GPT2: variants seen among roughly 807,000 people sequenced by gnomAD.
The protein encoded by GPT2 is alanine aminotransferase 2.
Under a neutral mutation model 56.9 loss-of-function variants are expected in GPT2, and 30 were observed. The ratio of observed to expected loss-of-function variants is 0.53; its 90% confidence interval spans 0.39 to 0.72. The LOEUF is 0.72. Ranked by LOEUF, GPT2 falls within the 30% of genes least tolerant of loss-of-function variation. The pLI, the probability that GPT2 is intolerant of heterozygous loss-of-function variation, is 0.00. For missense variants in GPT2, 542 were observed against 703.4 expected, an observed-to-expected ratio of 0.77 and a Z score of 2.60; for synonymous variants, 271 against 283.1, an observed-to-expected ratio of 0.96 and a Z score of 0.43.
chr16:46,911,258 C>T (rs1159345426), intron 6 of GPT2, among the ~76,000 whole-genome samples: 1 of 152,186 alleles, frequency 6.6e-6, no homozygotes, highest in Non-Finnish European at 1.5e-5. Flanking sequence ...GGGCCGCTGC[C>T]TTCATATGCC....
At chr16:46,905,044 G>C (rs945395848) in intron 4 of GPT2, among the ~76,000 whole-genome samples, 6 of 151,476 alleles carry the variant, frequency 4.0e-5, no homozygotes, top group African/African-American at 1.5e-4. Flanking sequence ...AGAGCTAGGG[G>C]ATTCCAGTTC....
chr16:46,924,263 C>A, intron 9 of GPT2, 126 bp from the exon 10 acceptor site: 1 of 1,007,246 alleles, frequency 9.9e-7, no homozygotes, highest in Non-Finnish European at 1.5e-6. Flanking sequence ...TCAGAGGGGA[C>A]ATGTGTTCAA....
intron 10 of GPT2, among the ~76,000 whole-genome samples, chr16:46,925,833 T>A (rs1048770497): frequency 4.7e-4 from 70 of 149,924 alleles, no homozygotes; most frequent in African/African-American, 1.3e-3. Flanking sequence ...TAAATAAATT[T>A]AAAAAAAAAG....
At chr16:46,897,590 C>T in intron 2 of GPT2, 58 bp from the exon 3 acceptor site, 1 of 1,540,244 alleles carries the variant, frequency 6.5e-7, no homozygotes, top group South Asian at 1.1e-5. Flanking sequence ...TGCCTGGCCT[C>T]TGGAATCCAG....
chr16:46,915,081 A>G (rs374240878), intron 6 of GPT2, among the ~76,000 whole-genome samples: 2 of 151,992 alleles, frequency 1.3e-5, no homozygotes, highest in East Asian at 3.9e-4. Context: ...CCACACCTGG[A>G]TAATTTTTAT....
At position 46,909,636 on chromosome 16, in the gene GPT2, G is replaced by T. The variant is rs756359795; in HGVS notation, c.577-48G>T. ...GGGCCACGGGTGAAAGGCTAGGTCAGGGATGGGAAGTAGTGCTGGCTTTCT... is the reference window on the plus strand; with the variant it reads ...GGGCCACGGGTGAAAGGCTAGGTCATGGATGGGAAGTAGTGCTGGCTTTCT... On this transcript the variant is annotated intron_variant, in intron 5 of 11. Coordinates refer to ENST00000340124, the MANE Select transcript of GPT2 (RefSeq NM_133443.4). The T allele has an allele frequency of 6.8e-5, 109 of 1,592,908 alleles. 1 individual carries two copies. The highest frequency in any genetic ancestry group is 9.1e-5 in the Non-Finnish European group (106 of 1,165,636).
chr16:46,885,487 C>G (rs1275014169), intron 2 of GPT2: 2 of 985,240 alleles, frequency 2.0e-6, no homozygotes, highest in Non-Finnish European at 2.4e-6. Context: ...AATCCTGATT[C>G]CCGGAAGAGA....
At chr16:46,885,675 G>A (rs1393524742) in intron 2 of GPT2, 3 of 311,640 alleles carry the variant, frequency 9.6e-6, no homozygotes, top group East Asian at 3.4e-4. Flanking sequence ...ATCTTGGCTT[G>A]AGTTTATAGC....
rs933021460 is a variant in GPT2, at chr16:46,916,570, T to C, written c.821-58T>C. On this transcript the variant is annotated intron_variant, in intron 6 of 11. Transcript: ENST00000340124. The stretch of plus-strand genomic sequence containing the variant: ...AGTGATTCTGGATGGGCTTCTGACC[T>C]GGGGACAATTTAAACAGCATTACAA... 5 of 1,322,192 alleles carry C rather than the reference T, an allele frequency of 3.8e-6. No individual in the cohort carries two copies. The Admixed American group carries it at 8.4e-5, about 22-fold the overall frequency. The allele number at this position is 1,322,192 out of a possible 1,614,324, so 81.9% of individuals were successfully genotyped here. A position where few individuals can be genotyped will look rare whatever the true frequency, so the allele number is the denominator to read the frequency against.
chr16:46,885,037 C>T, intron 2 of GPT2, 79 bp downstream of exon 2: 1 of 1,383,704 alleles, frequency 7.2e-7, no homozygotes, highest in Non-Finnish European at 9.4e-7. Flanking sequence ...TGGGGTCCTT[C>T]CCACGACGTC....
At chr16:46,926,786 C>T (rs1961423998) in intron 10 of GPT2, 139 bp from the exon 11 acceptor site, 1 of 508,506 alleles carries the variant, frequency 2.0e-6, no homozygotes, top group Admixed American at 3.9e-5. Context: ...AGCGTCTGGC[C>T]CTGGTCCTCT....
At chr16:46,896,498 A>G (rs542838495) in intron 2 of GPT2, among the ~76,000 whole-genome samples, 2 of 151,992 alleles carry the variant, frequency 1.3e-5, no homozygotes, top group South Asian at 4.2e-4. Flanking sequence ...TTCATTCTGC[A>G]AAGAATGGGT....
chr16:46,895,548 G>T (rs1960670195), intron 2 of GPT2, among the ~76,000 whole-genome samples: 1 of 152,002 alleles, frequency 6.6e-6, no homozygotes, highest in African/African-American at 2.4e-5. Flanking sequence ...CAAAAAAAAG[G>T]GTCTCACTCT....
chr16:46,912,621 C>G, intron 6 of GPT2, among the ~76,000 whole-genome samples: 1 of 152,196 alleles, frequency 6.6e-6, no homozygotes, highest in East Asian at 1.9e-4. Context: ...GTTCACAGTT[C>G]TGCAGACTGT....
At chr16:46,906,698 C>T in intron 4 of GPT2, 144 bp from the exon 5 acceptor site, 1 of 1,059,564 alleles carries the variant, frequency 9.4e-7, no homozygotes, top group Non-Finnish European at 1.4e-6. Context: ...CAGTTTCCCA[C>T]AGTTCCAAAG....
In GPT2 at chr16:46,924,378, T is replaced by C. The variant is rs1961358351; in HGVS notation, c.1213-11T>C. 1 of 1,614,090 alleles carries C rather than the reference T, an allele frequency of 6.2e-7. No individual in the cohort carries two copies. The highest frequency in any genetic ancestry group is 2.2e-5 in the East Asian group (1 of 44,882). ...GATACTGACTGCTGTGCTGTTTCCA[T>C]CTCTCATCAGGAGAAGGAGTCGGTC... On this transcript the variant is annotated splice_polypyrimidine_tract_variant and intron_variant, in intron 9 of 11. Coordinates refer to ENST00000340124, the MANE Select transcript of GPT2 (RefSeq NM_133443.4).
intron 4 of GPT2, among the ~76,000 whole-genome samples, chr16:46,905,219 G>A (rs974489906): frequency 3.4e-4 from 51 of 152,090 alleles, no homozygotes; most frequent in Non-Finnish European, 6.2e-4. Flanking sequence ...ACCATACCTG[G>A]CTGATTTTTT....
intron 2 of GPT2, among the ~76,000 whole-genome samples, chr16:46,888,649 A>G (rs536787146): frequency 3.7e-4 from 55 of 150,562 alleles, no homozygotes; most frequent in Non-Finnish European, 7.8e-4. Flanking sequence ...ACCCGGCCAG[A>G]TGCTACTTTA....
intron 9 of GPT2, 73 bp from the exon 10 acceptor site, chr16:46,924,316 A>G (rs767183352): frequency 1.3e-6 from 2 of 1,520,040 alleles, no homozygotes; most frequent in East Asian, 4.5e-5. Flanking sequence ...CAAGTGCTGC[A>G]GGAAAGATCA....
Sources: allele counts gnomAD v4.1 joint callset (sites outside exome capture counted in the v4.1 genomes callset), GRCh38; gene constraint gnomAD v4.1.1; transcripts MANE v1.5; gene names NCBI Gene and HGNC (gene_info 2026-07-23, HGNC 2026-07-21).